The following CDK10 variants were observed in gnomAD, a reference collection of about 807,000 sequenced individuals.
The protein encoded by CDK10 is cyclin-dependent kinase 10.
In CDK10, 55 loss-of-function variants were observed where a neutral mutation model predicts 51.0. The ratio of observed to expected loss-of-function variants is 1.08; its 90% CI spans 0.87 to 1.35. The LOEUF (loss-of-function observed/expected upper bound fraction) is 1.35, where lower values mean the gene tolerates loss of function less well. CDK10 is among the 40% of genes most tolerant of loss of function. CDK10 has a pLI of 0.00. For synonymous variants in CDK10, 255 were observed against 199.1 expected (o/e 1.28, Z -2.36); for missense variants, 589 against 485.1 (o/e 1.21, Z -2.01).
intron 5 of CDK10, chr16:89,692,091 CTTATGAGGGCACTGGTT>C: frequency 1.7e-6 from 1 of 603,454 alleles, no homozygotes; most frequent in South Asian, 2.0e-5. Context: ...GGCCGAGAGC[CTTATGAGGGCACTGGTT>C]TCCTGGGCTG....
Position 89,694,948 on chromosome 16 carries a change from A to G in CDK10, c.810A>G (p.Pro270=), listed in dbSNP as rs1371712179. The change falls in exon 11 of 13, where the codon CCA becomes CCG. Residue 270 remains proline, a synonymous_variant. Transcript: ENST00000353379. The part of the protein sequence containing the change: ...ENIWPGFSKL[P]LVGQYSLRKQ... The stretch of plus-strand genomic sequence containing the variant: ...TCCCATAGGGCTTTTCCAAGCTGCC[A>G]CTGGTCGGCCAGTACAGCCTCCGGA... The G allele has an allele frequency of 6.2e-7, 1 of 1,612,668 alleles. No homozygotes were observed. The highest frequency in any genetic ancestry group is 1.3e-5 in the African/African-American group (1 of 74,772).
chr16:89,695,110 C>T, intron 11 of CDK10, 40 bp downstream of exon 11: 1 of 1,594,906 alleles, frequency 6.3e-7, no homozygotes. Flanking sequence ...CCTCACCACC[C>T]ACACTGTCCA....
chr16:89,690,522 T>C (rs2060396595), intron 2 of CDK10, 31 bp from the exon 3 acceptor site: 2 of 1,603,394 alleles, frequency 1.2e-6, no homozygotes, highest in Non-Finnish European at 1.7e-6. Flanking sequence ...GGCATCGAGA[T>C]GATGTCATCA....
Position 89,690,588 on chromosome 16 carries a change from G to T in CDK10, c.196G>T (p.Ala66Ser). The change falls in exon 3 of 13, where the codon GCA becomes TCA. Residue 66 changes from alanine (A) to serine (S), a missense_variant. Physicochemically the swap from Ala to Ser is moderately conservative, Grantham distance 99. Transcript: ENST00000353379. ...GGACACCCAGACAGATGAGATTGTC[G>T]CACTGAAGAAGGTGCGGATGGACAA... ...ARDTQTDEIV[A>S]LKKVRMDKEK... The T allele has an allele frequency of 6.2e-7, 1 of 1,614,116 alleles. No individual in the cohort carries two copies. Among genetic ancestry groups the T allele is most frequent in the Non-Finnish European group, 8.5e-7 (1 of 1,179,996 alleles).
chr16:89,694,871 TGCGCCCGCAGCCCCCGCCC>T (rs1200015538), intron 10 of CDK10, 41 bp from the exon 11 acceptor site: 28 of 1,537,466 alleles, frequency 1.8e-5, no homozygotes, highest in Admixed American at 3.6e-5. Context: ...CCACGCCCTC[TGCGCCCGCAGCCCCCGCCC>T]GTGCCCACGC....
In CDK10 at chr16:89,693,457, G is replaced by A. The variant is rs1471460384; in HGVS notation, c.598G>A (p.Val200Ile). The A allele has an allele frequency of 6.2e-7, 1 of 1,614,128 alleles. No homozygotes were observed. Among genetic ancestry groups the A allele is most frequent in the Non-Finnish European group, 8.5e-7 (1 of 1,180,016 alleles). The change falls in exon 8 of 13, where the codon GTC becomes ATC. Residue 200 changes from valine (V) to isoleucine (I), a missense_variant. Transcript: ENST00000353379. ...AGTAAAGCCAATGACCCCCAAGGTG[G>A]TCACTCTCTGGTAAGTCCTTCTGAA... is the stretch of plus-strand genomic sequence containing the variant. ...VPVKPMTPKV[V>I]TLWYRAPELL...
rs570953353 is a variant in CDK10, at chr16:89,692,331, G to A, written c.418-118G>A. ...CCCCGGGGCCGAGAGCCTTCTGAGG[G>A]CACTGGTTTCCTGGGCTATTGGGAC... On this transcript the variant is annotated intron_variant, in intron 5 of 12. Coordinates refer to ENST00000353379, the MANE Select transcript of CDK10 (RefSeq NM_052988.5). 8.2e-6 allele frequency: 6 copies of A among 727,300 alleles called. No homozygotes were observed. In the East Asian group the frequency reaches 1.4e-4, roughly 17 times the overall value. 45.1% of individuals were successfully genotyped at this position (727,300 alleles called of 1,614,324 possible).
chr16:89,689,097 C>T (rs1349098168), intron 1 of CDK10, among the ~76,000 whole-genome samples, 155 bp from the exon 2 acceptor site: 1 of 151,882 alleles, frequency 6.6e-6, no homozygotes, highest in Non-Finnish European at 1.5e-5. Context: ...GAGACTCAGT[C>T]TCAAAAAAAG....
At chr16:89,691,587 T>C (rs1158420585) in intron 4 of CDK10, 42 bp downstream of exon 4, 3 of 1,519,850 alleles carry the variant, frequency 2.0e-6, no homozygotes, top group Admixed American at 1.7e-5. Flanking sequence ...CTAGGGAGCA[T>C]GTGTCTTGGG....
In CDK10 at chr16:89,694,659, C is replaced by T. The variant is rs775242962; in HGVS notation, c.669-6C>T. 60 of 1,586,014 alleles carry T rather than the reference C, an allele frequency of 3.8e-5. No homozygotes were observed. The highest frequency in any genetic ancestry group is 5.0e-5 in the Non-Finnish European group (58 of 1,167,576). ...TGGCCGCAGTGAGGTCCACTGTTCTCTGCAGGGCTGTGGGCTGCATACTGG... is the reference window on the plus strand; with the variant it reads ...TGGCCGCAGTGAGGTCCACTGTTCTTTGCAGGGCTGTGGGCTGCATACTGG... On this transcript the variant is annotated splice_region_variant and splice_polypyrimidine_tract_variant and intron_variant, in intron 9 of 12. Coordinates refer to ENST00000353379, the MANE Select transcript of CDK10 (RefSeq NM_052988.5).
intron 1 of CDK10, among the ~76,000 whole-genome samples, chr16:89,688,551 G>C (rs548189793): frequency 2.0e-5 from 3 of 152,196 alleles, no homozygotes; most frequent in African/African-American, 7.2e-5. Flanking sequence ...TTTTCTTCCC[G>C]TCACTGAGGT....
chr16:89,693,388 T>C lies in CDK10; in HGVS notation c.539-10T>C, dbSNP rs1218048577. On this transcript the variant is annotated splice_polypyrimidine_tract_variant and intron_variant, in intron 7 of 12. Transcript: ENST00000353379. Reference sequence around the variant, plus strand: ...GCACTTGGTGACACACACTCCCCTCTCTGCTGCAGCGGATTTCGGCCTGGC... The same window carrying C: ...GCACTTGGTGACACACACTCCCCTCCCTGCTGCAGCGGATTTCGGCCTGGC... 2 of 1,614,136 alleles carry C rather than the reference T, an allele frequency of 1.2e-6. No individual in the cohort carries two copies. The highest frequency in any genetic ancestry group is 1.1e-5 in the South Asian group (1 of 91,084).
chr16:89,690,292 C>T (rs1047597264), intron 2 of CDK10: 3 of 513,672 alleles, frequency 5.8e-6, no homozygotes, highest in African/African-American at 5.7e-5. Flanking sequence ...CCTGGAGCCA[C>T]AGAACTGAGT....
rs1372055372 is a variant in CDK10, at chr16:89,695,052, T to C, written c.914T>C (p.Met305Thr). The C allele has an allele frequency of 3.7e-6, 6 of 1,612,938 alleles. No individual in the cohort carries two copies. Among genetic ancestry groups the C allele is most frequent in the Admixed American group, 1.7e-5 (1 of 59,974 alleles). ...CTGCGCCTGCTGCACTTCCTGTTCA[T>C]GTACGACCCTAAGAAAAGGTGCTGA... ...AGLRLLHFLFMYDPKKRATAG... is the reference protein window; with the variant it reads ...AGLRLLHFLFTYDPKKRATAG... The change falls in exon 11 of 13, where the codon ATG (methionine) becomes ACG (threonine). Residue 305 changes from methionine (M) to threonine (T), a missense_variant. Coordinates refer to ENST00000353379, the MANE Select transcript of CDK10 (RefSeq NM_052988.5).
Position 89,686,739 on chromosome 16 carries a change from A to T in CDK10, c.29A>T (p.Gln10Leu), listed in dbSNP as rs373513801. Residue 10 changes from glutamine (Q) to leucine (L), a missense_variant, in exon 1 of 13, where the codon CAG becomes CTG. Coordinates refer to ENST00000353379, the MANE Select transcript of CDK10 (RefSeq NM_052988.5). ...GCGGAGCCAGATCTGGAGTGCGAGCAGATCCGTCTGAAGTGTATTCGTAAG... is the reference window on the plus strand; with the variant it reads ...GCGGAGCCAGATCTGGAGTGCGAGCTGATCCGTCTGAAGTGTATTCGTAAG... Reference protein sequence around the residue: MAEPDLECEQIRLKCIRKEG... With the variant: MAEPDLECELIRLKCIRKEG... The T allele has an allele frequency of 6.2e-7, 1 of 1,611,674 alleles. No individual in the cohort carries two copies. Among genetic ancestry groups the T allele is most frequent in the Non-Finnish European group, 8.5e-7 (1 of 1,178,810 alleles).
Position 89,686,806 on chromosome 16 carries a change from G to C in CDK10, c.87+9G>C, listed in dbSNP as rs8062701. ...TGCCTCCGGAACACAGGGTGCGCGGGGTGCCACCCGGGCAGCTCTGCCCGC... is the reference window on the plus strand; with the variant it reads ...TGCCTCCGGAACACAGGGTGCGCGGCGTGCCACCCGGGCAGCTCTGCCCGC... On this transcript the variant is annotated intron_variant, in intron 1 of 12. Transcript: ENST00000353379. 2 of 1,605,562 alleles carry C rather than the reference G, an allele frequency of 1.2e-6. No homozygotes were observed. Among genetic ancestry groups the C allele is most frequent in the South Asian group, 1.1e-5 (1 of 90,338 alleles).
At chr16:89,687,111 T>C (rs957944899) in intron 1 of CDK10, 2 of 251,848 alleles carry the variant, frequency 7.9e-6, no homozygotes, top group African/African-American at 4.5e-5. Flanking sequence ...GCGCCCGAGC[T>C]GGGCTTTGCA....
chr16:89,691,363 G>C (rs916031095), intron 3 of CDK10, 80 bp from the exon 4 acceptor site: 2 of 1,038,496 alleles, frequency 1.9e-6, no homozygotes, highest in African/African-American at 3.2e-5. Context: ...TCAGGTGTTC[G>C]TGAAGCCCAA....
Position 89,695,888 on chromosome 16 carries a change from G to C in CDK10, c.*196G>C. The C allele has an allele frequency of 7.8e-7, 1 of 1,280,740 alleles. No homozygotes were observed. The highest frequency in any genetic ancestry group is 1.1e-6 in the Non-Finnish European group (1 of 918,546). The allele number at this position is 1,280,740 out of a possible 1,614,324, so 79.3% of individuals were successfully genotyped here. ...CCCCAGAAAAAGGCCGGGTGACACC[G>C]GGGGGCTCCCAGCCCGTGCACCCTG... On this transcript the variant is annotated 3_prime_UTR_variant, in exon 13 of 13. Coordinates refer to ENST00000353379, the MANE Select transcript of CDK10 (RefSeq NM_052988.5).
Sources: allele counts gnomAD v4.1 joint callset (sites outside exome capture counted in the v4.1 genomes callset), GRCh38; gene constraint gnomAD v4.1.1; transcripts MANE v1.5; gene names NCBI Gene and HGNC (gene_info 2026-07-23, HGNC 2026-07-21).